MGAT5: variants seen among roughly 807,000 people sequenced by gnomAD.
The protein encoded by MGAT5 is alpha-1,6-mannosylglycoprotein 6-beta-N-acetylglucosaminyltransferase, also known as alpha-1,6-mannosylglycoprotein 6-beta-N-acetylglucosaminyltransferase A.
MGAT5 carries 30 observed loss-of-function variants against 94.3 expected under a neutral mutation model. The observed-to-expected ratio is 0.32, with a 90% CI of 0.24 to 0.43. The LOEUF (loss-of-function observed/expected upper bound fraction) is 0.43. Ranked by LOEUF, MGAT5 falls within the 20% of genes least tolerant of loss-of-function variation. MGAT5 has a pLI of 1.00. For synonymous variants in MGAT5, 310 were observed against 322.9 expected, an observed-to-expected ratio of 0.96 and a Z score of 0.43; for missense variants, 691 against 905.5, an observed-to-expected ratio of 0.76 and a Z score of 3.04.
intron 1 of MGAT5, among the ~76,000 whole-genome samples, chr2:134,155,396 T>C (rs2105034167): frequency 6.6e-6 from 1 of 152,386 alleles, no homozygotes; most frequent in South Asian, 2.1e-4. Flanking sequence ...GCTTGGTTTC[T>C]GAAGTTGGTC....
At chr2:134,428,064 G>A (rs910202590) in intron 13 of MGAT5, among the ~76,000 whole-genome samples, 2 of 152,226 alleles carry the variant, frequency 1.3e-5, no homozygotes, top group Non-Finnish European at 2.9e-5. Context: ...CCCACTATGT[G>A]CTAGTCACTA....
chr2:134,350,529 A>T (rs2106051000), intron 9 of MGAT5, among the ~76,000 whole-genome samples: 1 of 152,316 alleles, frequency 6.6e-6, no homozygotes, highest in East Asian at 1.9e-4. Flanking sequence ...CCGATATAGT[A>T]AGAACAGCAC....
chr2:134,139,647 C>T (rs763106937), intron 1 of MGAT5, among the ~76,000 whole-genome samples: 6 of 152,150 alleles, frequency 3.9e-5, no homozygotes, highest in Non-Finnish European at 7.4e-5. Context: ...CGCACAGTAT[C>T]GCAGGAATTA....
intron 8 of MGAT5, among the ~76,000 whole-genome samples, chr2:134,348,842 C>G (rs1679169403): frequency 6.6e-6 from 1 of 152,174 alleles, no homozygotes; most frequent in Admixed American, 6.5e-5. Context: ...AGGATTGATT[C>G]CTTTCTTCCA....
upstream of MGAT5, among the ~76,000 whole-genome samples, chr2:134,251,618 T>G (rs1246562472): frequency 6.6e-6 from 1 of 152,174 alleles, no homozygotes; most frequent in Non-Finnish European, 1.5e-5. Context: ...TATTCCCTGT[T>G]TTAAAAATTT....
At chr2:134,266,304 T>C (rs1683712728) in intron 1 of MGAT5, among the ~76,000 whole-genome samples, 1 of 152,048 alleles carries the variant, frequency 6.6e-6, no homozygotes, top group South Asian at 2.1e-4. Flanking sequence ...CACTGCAACC[T>C]CCACCTCCCA....
At chr2:134,129,899 T>G (rs1686044334) in intron 1 of MGAT5, among the ~76,000 whole-genome samples, 1 of 152,172 alleles carries the variant, frequency 6.6e-6, no homozygotes, top group South Asian at 2.1e-4. Flanking sequence ...CTGGGCTGGC[T>G]GAGACCGCAG....
At chr2:134,281,209 A>G (rs560131587) in intron 2 of MGAT5, among the ~76,000 whole-genome samples, 1 of 152,352 alleles carries the variant, frequency 6.6e-6, no homozygotes, top group Non-Finnish European at 1.5e-5. Context: ...TCCTGGTCCA[A>G]CATCTTCCTG....
chr2:134,120,027 G>C (rs1685486264), upstream of MGAT5: 1 of 152,870 alleles, frequency 6.5e-6, no homozygotes, highest in South Asian at 2.1e-4. Context: ...CTGGTCGACT[G>C]AGCTCCCACA....
At chr2:134,398,934 G>C (rs1682872334) in intron 10 of MGAT5, among the ~76,000 whole-genome samples, 1 of 152,194 alleles carries the variant, frequency 6.6e-6, no homozygotes, top group Non-Finnish European at 1.5e-5. Flanking sequence ...TGGGAATAAA[G>C]AGTAGTGAGT....
chr2:134,447,315 G>A (rs1161188911), intron 15 of MGAT5, among the ~76,000 whole-genome samples: 3 of 152,194 alleles, frequency 2.0e-5, no homozygotes, highest in Non-Finnish European at 4.4e-5. Flanking sequence ...TGGGGAGGTG[G>A]TATAGCCCAT....
At chr2:134,245,943 G>A (rs1682234464) in intron 1 of MGAT5, among the ~76,000 whole-genome samples, 1 of 152,156 alleles carries the variant, frequency 6.6e-6, no homozygotes, top group Non-Finnish European at 1.5e-5. Context: ...CAAGTGTAGT[G>A]TAATGAATTA....
intron 5 of MGAT5, among the ~76,000 whole-genome samples, chr2:134,337,573 A>G (rs1688403377): frequency 6.6e-6 from 1 of 152,196 alleles, no homozygotes; most frequent in African/African-American, 2.4e-5. Flanking sequence ...TCTATGAAAT[A>G]AATACTGGTT....
At position 134,370,221 on chromosome 2, in the gene MGAT5, C is replaced by T. The variant is rs150525676; in HGVS notation, c.1380+7813C>T. ...CATTGTTTTAATGAACCACCCAAGACCTTTGTAATTAAAGAATGTACTGAA... is the reference window on the plus strand; with the variant it reads ...CATTGTTTTAATGAACCACCCAAGATCTTTGTAATTAAAGAATGTACTGAA... On this transcript the variant is annotated intron_variant, in intron 10 of 15. Coordinates refer to ENST00000281923, the MANE Select transcript of MGAT5 (RefSeq NM_002410.5). 2.5e-3 allele frequency among the ~76,000 whole-genome samples: 374 copies of T among 152,268 alleles called. 7 individuals carry two copies. The highest frequency in any genetic ancestry group is 0.022 in the East Asian group (113 of 5,180).
chr2:134,120,376 G>T (rs1399557071), intron 1 of MGAT5: 2 of 372,170 alleles, frequency 5.4e-6, no homozygotes, highest in Non-Finnish European at 9.6e-6. Context: ...ACCGCGGGGG[G>T]CACGGGGAAC....
At chr2:134,356,676 T>G (rs1679763443) in intron 9 of MGAT5, among the ~76,000 whole-genome samples, 1 of 152,184 alleles carries the variant, frequency 6.6e-6, no homozygotes, top group Non-Finnish European at 1.5e-5. Flanking sequence ...AGGCAAGTTT[T>G]CCCAGGGTCC....
intron 9 of MGAT5, among the ~76,000 whole-genome samples, chr2:134,353,559 G>C (rs1381642078): frequency 6.6e-6 from 1 of 152,188 alleles, no homozygotes; most frequent in Non-Finnish European, 1.5e-5. Context: ...TAAAGTGAAA[G>C]AATTCAGCTT....
At chr2:134,370,660 C>T (rs1305277438) in intron 10 of MGAT5, among the ~76,000 whole-genome samples, 5 of 152,248 alleles carry the variant, frequency 3.3e-5, no homozygotes, top group African/African-American at 1.2e-4. Flanking sequence ...GCCATGGTTA[C>T]CTGTGCCTGT....
chr2:134,325,593 A>C (rs749567126), intron 4 of MGAT5, among the ~76,000 whole-genome samples: 2 of 152,126 alleles, frequency 1.3e-5, no homozygotes, highest in Non-Finnish European at 2.9e-5. Context: ...CTGTACAACT[A>C]TTCTCATTAT....
Sources: allele counts gnomAD v4.1 joint callset (sites outside exome capture counted in the v4.1 genomes callset), GRCh38; gene constraint gnomAD v4.1.1; transcripts MANE v1.5; gene names NCBI Gene and HGNC (gene_info 2026-07-23, HGNC 2026-07-21).